NRIP1: variants seen among roughly 807,000 people sequenced by gnomAD.
NRIP1 encodes the protein nuclear receptor interacting protein 1.
In NRIP1, 28 loss-of-function variants were observed where a neutral mutation model predicts 75.0. The observed-to-expected ratio is 0.37, with a 90% CI of 0.28 to 0.51. The LOEUF (loss-of-function observed/expected upper bound fraction) is 0.51, where lower values mean the gene tolerates loss of function less well. NRIP1 is among the 20% of genes least tolerant of loss of function. NRIP1 has a pLI of 0.92. For missense variants in NRIP1, 1,435 were observed against 1,343.7 expected, an observed-to-expected ratio of 1.07 and a Z score of -1.06; for synonymous variants, 526 against 487.6, an observed-to-expected ratio of 1.08 and a Z score of -1.04.
chr21:15,001,294 A>T (rs181543451), intron 3 of NRIP1, among the ~76,000 whole-genome samples: 238 of 152,292 alleles, frequency 1.6e-3, no homozygotes, highest in African/African-American at 5.2e-3. Flanking sequence ...CAGAAGAGGG[A>T]AAAGGGCACC....
At chr21:15,007,686 T>C (rs934049947) in intron 3 of NRIP1, among the ~76,000 whole-genome samples, 1 of 152,200 alleles carries the variant, frequency 6.6e-6, no homozygotes, top group Non-Finnish European at 1.5e-5. Flanking sequence ...TTCCCTTGGC[T>C]ATAAGACAGA....
At chr21:15,064,266 C>T (rs987638841) in intron 1 of NRIP1, among the ~76,000 whole-genome samples, 4 of 152,328 alleles carry the variant, frequency 2.6e-5, no homozygotes, top group Admixed American at 2.0e-4. Flanking sequence ...TGTCCCTTTT[C>T]CTATTCACTT....
At chr21:15,064,497 G>A (rs938362144) in intron 1 of NRIP1, among the ~76,000 whole-genome samples, 8 of 152,028 alleles carry the variant, frequency 5.3e-5, no homozygotes, top group African/African-American at 1.9e-4. Context: ...GAACTGGCAC[G>A]GACGGGCGGG....
At chr21:15,010,989 CA>C (rs1240745836) in intron 3 of NRIP1, among the ~76,000 whole-genome samples, 4 of 152,152 alleles carry the variant, frequency 2.6e-5, no homozygotes, top group Non-Finnish European at 5.9e-5. Flanking sequence ...ACAACTCACC[CA>C]GATTATAAAT....
At chr21:14,978,845 T>C (rs2087152315) in intron 3 of NRIP1, among the ~76,000 whole-genome samples, 1 of 152,174 alleles carries the variant, frequency 6.6e-6, no homozygotes, top group African/African-American at 2.4e-5. Flanking sequence ...AAATCAAAGA[T>C]CTAGACAAAG....
intron 2 of NRIP1, among the ~76,000 whole-genome samples, chr21:15,039,422 C>G (rs1032174337): frequency 1.8e-4 from 28 of 152,112 alleles, no homozygotes; most frequent in African/African-American, 6.5e-4. Flanking sequence ...AGTCCCTTAT[C>G]CACATTCCCA....
chr21:15,055,567 C>T (rs765807753), intron 1 of NRIP1, among the ~76,000 whole-genome samples: 30 of 152,172 alleles, frequency 2.0e-4, no homozygotes, highest in Non-Finnish European at 3.2e-4. Context: ...CGTTTCATGT[C>T]TCAAGACCCA....
intron 2 of NRIP1, among the ~76,000 whole-genome samples, chr21:15,020,277 T>C (rs1234091957): frequency 1.3e-5 from 2 of 152,190 alleles, no homozygotes; most frequent in African/African-American, 4.8e-5. Context: ...TGGAACAGAA[T>C]AGAGTCCAGA....
chr21:14,974,186 C>A lies in NRIP1; in HGVS notation c.-334-5660G>T, dbSNP rs576405006. ...TTAAACATAACATTGTAATTCAATT[C>A]TTCATTCCCTGTTTTCCTGGTTTTG... On this transcript the variant is annotated intron_variant, in intron 3 of 3. Transcript: ENST00000318948. The A allele has an allele frequency of 3.9e-5, 6 of 152,076 alleles. No homozygotes were observed. In the South Asian group the frequency reaches 1.2e-3, roughly 32 times the overall value. 9.4% of individuals were successfully genotyped at this position (152,076 alleles called of 1,614,324 possible).
At chr21:14,978,019 A>C (rs1477760514) in intron 3 of NRIP1, among the ~76,000 whole-genome samples, 1 of 152,200 alleles carries the variant, frequency 6.6e-6, no homozygotes, top group Non-Finnish European at 1.5e-5. Context: ...TCTCCACTGC[A>C]ACCTGAAGGA....
chr21:14,994,862 A>C (rs1185360733), intron 3 of NRIP1, among the ~76,000 whole-genome samples: 25 of 152,206 alleles, frequency 1.6e-4, no homozygotes, highest in Non-Finnish European at 4.4e-5. Context: ...TGTGTCTGCT[A>C]TCCTCTAAGT....
At chr21:15,063,769 T>C (rs1196745781) in intron 1 of NRIP1, among the ~76,000 whole-genome samples, 1 of 152,202 alleles carries the variant, frequency 6.6e-6, no homozygotes, top group Non-Finnish European at 1.5e-5. Flanking sequence ...TTCCCCAAAG[T>C]AAAATGTGCC....
At chr21:14,979,580 T>C (rs2087172692) in intron 3 of NRIP1, among the ~76,000 whole-genome samples, 1 of 152,218 alleles carries the variant, frequency 6.6e-6, no homozygotes, top group Non-Finnish European at 1.5e-5. Flanking sequence ...GTTTTAAAAA[T>C]GTTCCCCATC....
rs1238958611 is a variant in NRIP1, at chr21:14,967,768, G to C, written c.425C>G (p.Ser142Cys). 8 of 1,614,116 alleles carry C rather than the reference G, an allele frequency of 5.0e-6. No homozygotes were observed. In the Middle Eastern group the frequency reaches 1.3e-3, roughly 266 times the overall value. The change falls in exon 4 of 4, where the codon TCT becomes TGT. Residue 142 changes from serine (S) to cysteine (C), a missense_variant. Transcript: ENST00000318948. ...LLASLLQSFS[S>C]RLQTVALSQQ... ...TGACAGAGCAACAGTCTGCAGCCTA[G>C]AGCTGAATGACTGAAGCAAAGAGGC... is the stretch of plus-strand genomic sequence containing the variant.
chr21:14,993,076 A>G (rs1423646910), intron 3 of NRIP1, among the ~76,000 whole-genome samples: 2 of 152,210 alleles, frequency 1.3e-5, no homozygotes, highest in Non-Finnish European at 2.9e-5. Context: ...TCAGTTTTTA[A>G]TTATCAAAAA....
intron 1 of NRIP1, among the ~76,000 whole-genome samples, chr21:15,043,885 C>T (rs1435576967): frequency 6.6e-6 from 1 of 152,158 alleles, no homozygotes; most frequent in African/African-American, 2.4e-5. Context: ...GTGGCGTGAT[C>T]TCGGCTCACT....
intron 2 of NRIP1, among the ~76,000 whole-genome samples, chr21:15,032,954 G>A (rs544975110): frequency 6.6e-6 from 1 of 152,130 alleles, no homozygotes. Flanking sequence ...CACCGGGCGC[G>A]GTGGCTCACG....
chr21:15,051,058 T>A, intron 1 of NRIP1: 1 of 378,506 alleles, frequency 2.6e-6, no homozygotes, highest in South Asian at 2.0e-5. Flanking sequence ...GCCTTGCCTT[T>A]CCCACAGATA....
chr21:15,026,272 A>G (rs2088518751), intron 2 of NRIP1, among the ~76,000 whole-genome samples: 1 of 152,230 alleles, frequency 6.6e-6, no homozygotes, highest in African/African-American at 2.4e-5. Context: ...AATGATGAAA[A>G]AACACATGAA....
Sources: gnomAD v4.1 joint callset for allele counts (sites outside exome capture counted in the v4.1 genomes callset) on GRCh38, gnomAD v4.1.1 for gene constraint, MANE v1.5 for transcripts, NCBI Gene and HGNC (gene_info 2026-07-23, HGNC 2026-07-21) for gene names.